Variants in SPATA21 observed in about 807,000 individuals in gnomAD.
SPATA21 encodes the protein spermatogenesis-associated protein 21.
SPATA21 carries 47 observed loss-of-function variants against 54.8 expected under a neutral mutation model. The ratio of observed to expected loss-of-function variants is 0.86; its 90% CI spans 0.68 to 1.09. SPATA21 has a LOEUF of 1.09. SPATA21 is among the 50% of genes least tolerant of loss of function. The probability of loss-of-function intolerance (pLI) is 0.00; values close to 1 mark genes in which losing one functional copy is unlikely to be tolerated. For synonymous variants in SPATA21, 245 were observed against 235.3 expected (o/e 1.04, Z -0.38); for missense variants, 599 against 596.4 (o/e 1.00, Z -0.05).
chr1:16,403,483 CTTTTTTTTCTTT>C (rs2085518917), intron 10 of SPATA21, among the ~76,000 whole-genome samples: 1 of 117,180 alleles, frequency 8.5e-6, no homozygotes, highest in South Asian at 2.6e-4. Flanking sequence ...TAGTTTTTTT[CTTTTTTTTCTTT>C]TTTTTTTTTT....
chr1:16,436,408 A>G (rs534288611), intron 1 of SPATA21, among the ~76,000 whole-genome samples: 29 of 150,384 alleles, frequency 1.9e-4, no homozygotes, highest in African/African-American at 6.6e-4. Flanking sequence ...AAAAAAATAC[A>G]GATAGGGTGC....
At chr1:16,431,081 A>C (rs1465313389) in intron 3 of SPATA21, among the ~76,000 whole-genome samples, 2 of 152,174 alleles carry the variant, frequency 1.3e-5, no homozygotes, top group East Asian at 3.8e-4. Context: ...CAGTTACCCA[A>C]ACTGATATAT....
chr1:16,425,784 T>C (rs145663451), intron 3 of SPATA21: 1 of 1,489,272 alleles, frequency 6.7e-7, no homozygotes, highest in Non-Finnish European at 9.0e-7. Flanking sequence ...GGCACTGTTT[T>C]ATATATTTTT....
At position 16,409,884 on chromosome 1, in the gene SPATA21, C is replaced by G. The variant is rs1369647937; in HGVS notation, c.304G>C (p.Ala102Pro). The G allele has an allele frequency of 6.2e-7, 1 of 1,612,854 alleles. No individual in the cohort carries two copies. The highest frequency in any genetic ancestry group is 8.5e-7 in the Non-Finnish European group (1 of 1,179,438). Residue 102 changes from alanine (A) to proline (P), a missense_variant, in exon 6 of 13, where the codon GCC (alanine) becomes CCC (proline). Physicochemically the swap from Ala to Pro is conservative, Grantham distance 27 (BLOSUM62 -1). Coordinates refer to ENST00000335496, the MANE Select transcript of SPATA21 (RefSeq NM_198546.1). This position sits in a 1 kb window ranked among gnomAD's most constrained non-coding sequence, Gnocchi z 4.1. ...GCTGTCTGGGACCGGGCCTTCGAGG[C>G]TCTCCGATGGGAGGCCTCCATTTTC... ...VEKMEASHRR[A>P]SKARSQTAQK...
At chr1:16,435,703 C>A (rs1307503458) in intron 1 of SPATA21, among the ~76,000 whole-genome samples, 6 of 151,572 alleles carry the variant, frequency 4.0e-5, no homozygotes, top group African/African-American at 1.5e-4. Context: ...ATAGCCTTGA[C>A]CTCTTGGGCT....
chr1:16,402,064 A>G (rs929610065), intron 10 of SPATA21, among the ~76,000 whole-genome samples: 10 of 152,084 alleles, frequency 6.6e-5, no homozygotes, highest in Non-Finnish European at 1.2e-4. Flanking sequence ...AGCTTTGCAC[A>G]GGGACAACCC....
At chr1:16,399,120 C>G (rs188693125) in intron 12 of SPATA21, among the ~76,000 whole-genome samples, 39 of 152,334 alleles carry the variant, frequency 2.6e-4, no homozygotes, top group African/African-American at 9.4e-4. Flanking sequence ...GAGTCCTGGA[C>G]ACAGGAAAGC....
chr1:16,417,544 T>C (rs2086046896), intron 5 of SPATA21, among the ~76,000 whole-genome samples: 1 of 151,642 alleles, frequency 6.6e-6, no homozygotes, highest in Non-Finnish European at 1.5e-5. Flanking sequence ...GTTCAAGCGA[T>C]TCTCTCTTGA....
chr1:16,403,483 C>CTTTTTTTTTTTT lies in SPATA21; in HGVS notation c.1001+243_1001+244insAAAAAAAAAAAA, dbSNP rs1229942098. ...AAGCTAGTTTTATTCTAGTTTTTTT[C>CTTTTTTTTTTTT]TTTTTTTTCTTTTTTTTTTTTTTGA... On this transcript the variant is annotated intron_variant, in intron 10 of 12. Coordinates refer to ENST00000335496, the MANE Select transcript of SPATA21 (RefSeq NM_198546.1). 5.1e-5 allele frequency among the ~76,000 whole-genome samples: 6 copies of CTTTTTTTTTTTT among 117,118 alleles called. 1 individual carries two copies. Among genetic ancestry groups the CTTTTTTTTTTTT allele is most frequent in the Admixed American group, 8.9e-5 (1 of 11,268 alleles). The allele number at this position is 117,118 out of a possible 152,430, so 76.8% of individuals were successfully genotyped here. A position where few individuals can be genotyped will look rare whatever the true frequency, so the allele number is the denominator to read the frequency against.
chr1:16,401,240 C>T (rs182905300), intron 10 of SPATA21, among the ~76,000 whole-genome samples: 12 of 152,336 alleles, frequency 7.9e-5, no homozygotes, highest in Non-Finnish European at 1.3e-4. Flanking sequence ...CCATCAAGCA[C>T]GCAGCATGGT....
In SPATA21 at chr1:16,421,519, A is replaced by G; in HGVS notation, c.134T>C (p.Leu45Pro). ...TATGGCCCTACTTACTGGTGGAGGA[A>G]GAGGCCCCGGTGCTGGGTGGGTCTC... ...AVETHPAPGP[L>P]PPPEVRDIGE... Residue 45 changes from leucine (L) to proline (P), a missense_variant, in exon 5 of 13, where the codon CTT becomes CCT. Transcript: ENST00000335496. This position sits in a 1 kb window ranked among gnomAD's most constrained non-coding sequence, Gnocchi z 5.2. 6.2e-7 allele frequency: 1 copy of G among 1,613,454 alleles called. No individual in the cohort carries two copies. The highest frequency in any genetic ancestry group is 8.5e-7 in the Non-Finnish European group (1 of 1,179,786).
At chr1:16,416,795 C>G (rs746732813) in intron 5 of SPATA21, among the ~76,000 whole-genome samples, 11 of 152,246 alleles carry the variant, frequency 7.2e-5, no homozygotes, top group Admixed American at 4.6e-4. Context: ...GGATGGCCTT[C>G]AAGGCTTTAG....
chr1:16,426,061 T>G (rs2086309421), intron 3 of SPATA21, among the ~76,000 whole-genome samples: 1 of 152,012 alleles, frequency 6.6e-6, no homozygotes, highest in Non-Finnish European at 1.5e-5. Context: ...AATTTAAGTT[T>G]TATAGTATTT....
chr1:16,424,317 A>T, intron 3 of SPATA21, among the ~76,000 whole-genome samples: 1 of 149,782 alleles, frequency 6.7e-6, no homozygotes, highest in African/African-American at 2.5e-5. Context: ...TCTCAAAAAA[A>T]AAAAAAATCT....
intron 5 of SPATA21, among the ~76,000 whole-genome samples, chr1:16,420,406 C>A (rs12141069): frequency 0.078 from 11,904 of 151,926 alleles, 678 homozygotes; most frequent in Non-Finnish European, 0.11. Flanking sequence ...CGCCTGTAGT[C>A]CCAGCTACTC....
intron 7 of SPATA21, among the ~76,000 whole-genome samples, chr1:16,406,123 CTT>C (rs957945466): frequency 2.1e-5 from 3 of 145,590 alleles, no homozygotes. Context: ...TTTTTCTTTT[CTT>C]TTTTTTTTTG....
Position 16,423,539 on chromosome 1 carries a change from CTTT to C in SPATA21, c.35-1571_35-1569del, listed in dbSNP as rs966239575. On this transcript the variant is annotated intron_variant, in intron 3 of 12. Coordinates refer to ENST00000335496, the MANE Select transcript of SPATA21 (RefSeq NM_198546.1). ...GAATTTCTTTCTCTTTCTCTCTCTC[CTTT>C]TTTTTTTTTTTTTTTTTTGGAGACA... Among the ~76,000 whole-genome samples the C allele has an allele frequency of 2.7e-5, 3 of 111,656 alleles. No individual in the cohort carries two copies. The South Asian group carries it at 7.9e-4, about 29-fold the overall frequency. The allele number at this position is 111,656 out of a possible 152,430, so 73.3% of individuals were successfully genotyped here.
At position 16,428,701 on chromosome 1, in the gene SPATA21, G is replaced by T. The variant is rs927653674; in HGVS notation, c.34+2637C>A. ...TGAACTGGGTTTTGATCACTATCAT[G>T]GTCTGTCACTCTCCAACTGGGTGAC... On this transcript the variant is annotated intron_variant, in intron 3 of 12. Coordinates refer to ENST00000335496, the MANE Select transcript of SPATA21 (RefSeq NM_198546.1). The surrounding 1 kb of genome is among the most constrained non-coding windows in gnomAD (Gnocchi z 4.3). Among the ~76,000 whole-genome samples, 3 of 152,160 alleles carry T rather than the reference G, an allele frequency of 2.0e-5. No homozygotes were observed. In the South Asian group the frequency reaches 6.2e-4, roughly 32 times the overall value.
At chr1:16,424,246 G>A (rs1326656094) in intron 3 of SPATA21, among the ~76,000 whole-genome samples, 8 of 123,720 alleles carry the variant, frequency 6.5e-5, no homozygotes, top group Middle Eastern at 3.5e-3. Context: ...CTGGGAGGCA[G>A]AGCTTGCAGT....
Sources: gnomAD v4.1 joint callset for allele counts (sites outside exome capture counted in the v4.1 genomes callset) on GRCh38, gnomAD v4.1.1 for gene constraint, Gnocchi (gnomAD v3.1) non-coding constraint, MANE v1.5 for transcripts, NCBI Gene and HGNC (gene_info 2026-07-23, HGNC 2026-07-21) for gene names.